Variants in ZNF644 observed in about 807,000 individuals in gnomAD.
ZNF644 encodes zinc finger motif enhancer binding protein 2.
Under a neutral mutation model 108.0 loss-of-function variants are expected in ZNF644, and 20 were observed. The observed-to-expected ratio is 0.19, with a 90% confidence interval of 0.13 to 0.27. ZNF644 has a LOEUF of 0.27. Ranked by LOEUF, ZNF644 falls within the 10% of genes least tolerant of loss-of-function variation. The probability of loss-of-function intolerance (pLI) is 1.00; values close to 1 mark genes in which losing one functional copy is unlikely to be tolerated. For missense variants in ZNF644, 1,338 were observed against 1,548.9 expected (o/e 0.86, Z 2.29); for synonymous variants, 542 against 539.1 (o/e 1.01, Z -0.08).
intron 1 of ZNF644, among the ~76,000 whole-genome samples, chr1:91,006,402 CTG>C (rs1659422575): frequency 6.6e-6 from 1 of 151,978 alleles, no homozygotes; most frequent in Non-Finnish European, 1.5e-5. Flanking sequence ...GAGCAAGACT[CTG>C]TCTCATAAAA....
At chr1:90,931,613 A>G (rs1650736602) in intron 4 of ZNF644, among the ~76,000 whole-genome samples, 1 of 152,270 alleles carries the variant, frequency 6.6e-6, no homozygotes, top group African/African-American at 2.4e-5. Context: ...ATAAACTGGG[A>G]CAGTTCTGGG....
intron 2 of ZNF644, among the ~76,000 whole-genome samples, chr1:90,972,352 C>G (rs1386860651): frequency 6.6e-6 from 1 of 152,174 alleles, no homozygotes; most frequent in Non-Finnish European, 1.5e-5. Context: ...CAAGGACATT[C>G]ATATGGCCAA....
At chr1:90,990,433 A>C (rs1430758459) in intron 1 of ZNF644, among the ~76,000 whole-genome samples, 1 of 152,152 alleles carries the variant, frequency 6.6e-6, no homozygotes, top group Non-Finnish European at 1.5e-5. Flanking sequence ...ATATGAAACA[A>C]TAGTTTTCAT....
intron 4 of ZNF644, among the ~76,000 whole-genome samples, chr1:90,924,814 T>A (rs1039179741): frequency 6.6e-6 from 1 of 152,082 alleles, no homozygotes; most frequent in Admixed American, 6.6e-5. Flanking sequence ...ATAACAAGAA[T>A]TAACCTCATT....
In ZNF644 at chr1:90,939,758, G is replaced by A. The variant is rs746769810; in HGVS notation, c.1596C>T (p.Phe532=). 2.0e-5 allele frequency: 32 copies of A among 1,613,772 alleles called. No individual in the cohort carries two copies. The South Asian group carries it at 3.5e-4, about 18-fold the overall frequency. Residue 532 remains phenylalanine, a synonymous_variant, in exon 3 of 6, where the codon TTC becomes TTT. Transcript: ENST00000337393. ...KRYYCCEECN[F]MAVTENELEC... is the part of the protein sequence containing the mutation. ...CCAATTCATTTTCTGTCACTGCCAT[G>A]AAGTTACACTCTTCACAGCAGTAGT...
At chr1:91,010,405 AT>A (rs35003941) in intron 1 of ZNF644, among the ~76,000 whole-genome samples, 3,426 of 132,588 alleles carry the variant, frequency 0.026, 99 homozygotes, top group African/African-American at 0.083. Context: ...CGCTTGGCTA[AT>A]TTTTTTTTTT....
At chr1:90,933,163 A>G (rs1406800652) in intron 4 of ZNF644, among the ~76,000 whole-genome samples, 1 of 152,182 alleles carries the variant, frequency 6.6e-6, no homozygotes, top group African/African-American at 2.4e-5. Context: ...TTTTCAGATG[A>G]AGTAAAAGCA....
intron 2 of ZNF644, among the ~76,000 whole-genome samples, chr1:90,942,598 T>C (rs1652107862): frequency 6.6e-6 from 1 of 152,178 alleles, no homozygotes; most frequent in African/African-American, 2.4e-5. Context: ...AAACACAATT[T>C]CAAAAATCAA....
chr1:91,010,854 T>C (rs1375358130), intron 1 of ZNF644, among the ~76,000 whole-genome samples: 1 of 152,042 alleles, frequency 6.6e-6, no homozygotes, highest in Non-Finnish European at 1.5e-5. Flanking sequence ...TTGGGGGAAA[T>C]ACAACCAGAC....
chr1:90,949,358 T>A (rs779781788), intron 2 of ZNF644, among the ~76,000 whole-genome samples: 10 of 152,258 alleles, frequency 6.6e-5, no homozygotes, highest in African/African-American at 2.4e-4. Context: ...CTTGCTCAAC[T>A]TATTTTTCTG....
chr1:90,985,071 G>A (rs1275529348), intron 1 of ZNF644, among the ~76,000 whole-genome samples: 1 of 152,000 alleles, frequency 6.6e-6, no homozygotes. Context: ...ATTTTACCTT[G>A]CTTTGCTCGT....
intron 1 of ZNF644, among the ~76,000 whole-genome samples, chr1:91,017,939 G>A (rs1359824047): frequency 6.6e-6 from 1 of 152,122 alleles, no homozygotes; most frequent in Non-Finnish European, 1.5e-5. Flanking sequence ...CCGCGCCTGG[G>A]AAACAGACCG....
At chr1:91,001,351 T>C (rs1323986338) in intron 1 of ZNF644, among the ~76,000 whole-genome samples, 1 of 152,188 alleles carries the variant, frequency 6.6e-6, no homozygotes, top group East Asian at 1.9e-4. Flanking sequence ...TCAAGTGGGC[T>C]TCATCCCTGG....
intron 1 of ZNF644, among the ~76,000 whole-genome samples, chr1:91,011,238 A>G (rs1453821099): frequency 6.6e-6 from 1 of 152,200 alleles, no homozygotes; most frequent in Non-Finnish European, 1.5e-5. Flanking sequence ...CCCTGGAGCA[A>G]GAGTATATTA....
intron 1 of ZNF644, among the ~76,000 whole-genome samples, chr1:90,999,561 C>T (rs1450359275): frequency 5.3e-5 from 8 of 152,258 alleles, no homozygotes; most frequent in Non-Finnish European, 7.3e-5. Flanking sequence ...AAGGAACATC[C>T]GGTACCAGCC....
At chr1:90,948,441 CAG>C (rs1249916101) in intron 2 of ZNF644, among the ~76,000 whole-genome samples, 2 of 152,196 alleles carry the variant, frequency 1.3e-5, no homozygotes, top group Admixed American at 6.5e-5. Flanking sequence ...GGTGCCTTAA[CAG>C]ATTGTTAATG....
chr1:90,939,437 GCTATCA>G lies in ZNF644; in HGVS notation c.1911_1916del (p.Asp638_Ser639del), dbSNP rs1342454204. 1 of 1,613,844 alleles carries G rather than the reference GCTATCA, an allele frequency of 6.2e-7. No individual in the cohort carries two copies. The highest frequency in any genetic ancestry group is 8.5e-7 in the Non-Finnish European group (1 of 1,179,912). The stretch of plus-strand genomic sequence containing the variant: ...ACTGTTGTTTAGTTAATGTTTTAGT[GCTATCA>G]CTATCTACAGGTTCTTCAAGGATGT... On this transcript the variant is annotated inframe_deletion, in exon 3 of 6. Transcript: ENST00000337393.
chr1:91,016,952 C>A (rs964659404), intron 1 of ZNF644, among the ~76,000 whole-genome samples: 13 of 152,276 alleles, frequency 8.5e-5, no homozygotes, highest in African/African-American at 3.1e-4. Context: ...CCTGCCTCGG[C>A]CTCCCAAGTA....
At chr1:90,994,265 G>A (rs903724498) in intron 1 of ZNF644, among the ~76,000 whole-genome samples, 1 of 152,116 alleles carries the variant, frequency 6.6e-6, no homozygotes, top group African/African-American at 2.4e-5. Flanking sequence ...CAAAAATAAA[G>A]ACATCATCCT....
Sources: gnomAD v4.1 joint callset for allele counts (sites outside exome capture counted in the v4.1 genomes callset) on GRCh38, gnomAD v4.1.1 for gene constraint, MANE v1.5 for transcripts, NCBI Gene and HGNC (gene_info 2026-07-23, HGNC 2026-07-21) for gene names.